The following BDP1 variants were observed in gnomAD, a reference collection of about 807,000 sequenced individuals.
BDP1 encodes the protein BDP1 general transcription factor IIIB subunit.
A neutral mutation model predicts 266.6 loss-of-function variants in BDP1; 169 were observed. That is an observed-to-expected ratio of 0.63 (90% CI 0.56 to 0.72). BDP1 has a LOEUF of 0.72. BDP1 is among the 30% of genes least tolerant of loss of function. The pLI is 0.00. For missense variants in BDP1, 3,015 were observed against 3,053.8 expected, an observed-to-expected ratio of 0.99 and a Z score of 0.30; for synonymous variants, 1,090 against 1,022.4, an observed-to-expected ratio of 1.07 and a Z score of -1.26.
chr5:71,546,128 G>A (rs1742283968), intron 32 of BDP1, among the ~76,000 whole-genome samples: 1 of 152,098 alleles, frequency 6.6e-6, no homozygotes, highest in South Asian at 2.1e-4. Context: ...TTGCTAAGGA[G>A]TTTGGTTACA....
Position 71,497,325 on chromosome 5 carries a change from C to T in BDP1, c.1855C>T (p.Pro619Ser). The T allele has an allele frequency of 6.2e-7, 1 of 1,613,794 alleles. No homozygotes were observed. Among genetic ancestry groups the T allele is most frequent in the Non-Finnish European group, 8.5e-7 (1 of 1,179,894 alleles). Residue 619 changes from proline (P) to serine (S), a missense_variant, in exon 13 of 39, where the codon CCT becomes TCT. Around this residue, in one of 3 missense-constraint regions of BDP1, gnomAD observed 2,383 missense variants for 2,404.9 expected, o/e 0.99. Coordinates refer to ENST00000358731, the MANE Select transcript of BDP1 (RefSeq NM_018429.3). ...KPMLRGRFQRPKPNLSRAGKK... is the reference protein window; with the variant it reads ...KPMLRGRFQRSKPNLSRAGKK... Reference sequence around the variant, plus strand: ...AATGTTGAGAGGTCGCTTCCAAAGACCTAAACCCAATTTGTCAAGGGCTGG... The same window carrying T: ...AATGTTGAGAGGTCGCTTCCAAAGATCTAAACCCAATTTGTCAAGGGCTGG...
In BDP1 at chr5:71,509,585, A is replaced by G. The variant is rs752360854; in HGVS notation, c.2493A>G (p.Glu831=). ...GAAGGAGAGAAATTTCCTCAAAGGA[A>G]GAGGTACTAGAGAAGATTCTTGTCT... is the stretch of plus-strand genomic sequence containing the variant. The part of the protein sequence containing the change: ...GTGRREISSK[E]EVLEKILVSG... The change falls in exon 17 of 39, where the codon GAA becomes GAG. Residue 831 remains glutamate (E), a synonymous_variant. Transcript: ENST00000358731. The G allele has an allele frequency of 6.2e-7, 1 of 1,613,862 alleles. No homozygotes were observed. Among genetic ancestry groups the G allele is most frequent in the South Asian group, 1.1e-5 (1 of 90,986 alleles).
chr5:71,463,771 G>A (rs1049837408), intron 3 of BDP1, among the ~76,000 whole-genome samples: 1 of 151,016 alleles, frequency 6.6e-6, no homozygotes, highest in Non-Finnish European at 1.5e-5. Flanking sequence ...GAGGTTACAT[G>A]GAGCTGAGAT....
At chr5:71,507,097 T>C (rs909463543) in intron 16 of BDP1, among the ~76,000 whole-genome samples, 4 of 152,102 alleles carry the variant, frequency 2.6e-5, no homozygotes, top group African/African-American at 4.8e-5. Context: ...GCTGGGATTA[T>C]AGGTGTGAGC....
the BDP1 span, among the ~76,000 whole-genome samples, chr5:71,577,155 C>G: frequency 9.2e-5 from 14 of 152,294 alleles, no homozygotes; most frequent in South Asian, 2.5e-3. Context: ...GGTTGCATCC[C>G]TGGGCTATGG....
intron 23 of BDP1, 120 bp from the exon 24 acceptor site, chr5:71,522,636 A>T: frequency 8.4e-7 from 1 of 1,190,796 alleles, no homozygotes; most frequent in Non-Finnish European, 1.2e-6. Context: ...GTTGTAAAAG[A>T]TGAGCAACCA....
intron 16 of BDP1, among the ~76,000 whole-genome samples, chr5:71,507,715 C>G (rs1015327344): frequency 6.6e-6 from 1 of 152,168 alleles, no homozygotes; most frequent in African/African-American, 2.4e-5. Context: ...GCGGTCCATT[C>G]AGGACTAATC....
Position 71,511,004 on chromosome 5 carries a change from G to A in BDP1, c.3912G>A (p.Lys1304=). ...AAGAGATCTGTGTTACTGAGGAAAAGGTGGCAGAATTGAAACAAACTGGAA... is the reference window on the plus strand; with the variant it reads ...AAGAGATCTGTGTTACTGAGGAAAAAGTGGCAGAATTGAAACAAACTGGAA... The part of the protein sequence containing the change: ...GSEEICVTEE[K]VAELKQTGKT... Residue 1304 remains lysine, a synonymous_variant, in exon 17 of 39, where the codon AAG becomes AAA. Coordinates refer to ENST00000358731, the MANE Select transcript of BDP1 (RefSeq NM_018429.3). 6.2e-7 allele frequency: 1 copy of A among 1,614,066 alleles called. No individual in the cohort carries two copies. Among genetic ancestry groups the A allele is most frequent in the Non-Finnish European group, 8.5e-7 (1 of 1,180,008 alleles).
At position 71,509,877 on chromosome 5, in the gene BDP1, TTGGAAGAAGC is replaced by T; in HGVS notation, c.2795_2804del (p.Ala932GlufsTer16). The T allele has an allele frequency of 5.0e-6, 8 of 1,611,978 alleles. No homozygotes were observed. The highest frequency in any genetic ancestry group is 6.8e-6 in the Non-Finnish European group (8 of 1,179,320). ...TGCCACTGAGGAAATAGACAAAGATTTGGAAGAAGCTGGAAGAAGAGAAATATCCCCACAG... is the reference window on the plus strand; with the variant it reads ...TGCCACTGAGGAAATAGACAAAGATTTGGAAGAAGAGAAATATCCCCACAG... On this transcript the variant is annotated frameshift_variant, in exon 17 of 39. Transcript: ENST00000358731. LOFTEE classifies it high-confidence loss of function.
At chr5:71,497,189 T>G (rs1763946833) in intron 12 of BDP1, 81 bp from the exon 13 acceptor site, 2 of 1,307,162 alleles carry the variant, frequency 1.5e-6, no homozygotes, top group South Asian at 1.4e-5. Flanking sequence ...GAGTTCTTCC[T>G]AATTCTCAGT....
intron 7 of BDP1, among the ~76,000 whole-genome samples, chr5:71,477,795 T>A (rs1348102219): frequency 6.6e-6 from 1 of 151,728 alleles, no homozygotes; most frequent in East Asian, 1.9e-4. Context: ...ATTTTTCTAT[T>A]TTTTTGTAGA....
intron 16 of BDP1, among the ~76,000 whole-genome samples, chr5:71,506,756 G>GTT (rs1346982665): frequency 1.1e-5 from 1 of 94,880 alleles, no homozygotes; most frequent in Non-Finnish European, 2.0e-5. Context: ...TTGTTTGGAG[G>GTT]TTTATATATA....
chr5:71,457,639 CT>C (rs2150339076), intron 1 of BDP1, among the ~76,000 whole-genome samples: 1 of 151,948 alleles, frequency 6.6e-6, no homozygotes, highest in East Asian at 1.9e-4. Flanking sequence ...TGGGTCTTTG[CT>C]AGTTGTAAAA....
chr5:71,562,349 A>G lies in BDP1; in HGVS notation c.7572A>G (p.Gln2524=). The change falls in exon 38 of 39, where the codon CAA becomes CAG. Residue 2524 remains glutamine, a synonymous_variant. Transcript: ENST00000358731. ...GTTTGGAGTCTGATGAACCTATGCAAGTCCATAGTAAGAAACGCCTAAAAC... is the reference window on the plus strand; with the variant it reads ...GTTTGGAGTCTGATGAACCTATGCAGGTCCATAGTAAGAAACGCCTAAAAC... ...KNSLESDEPM[Q]VHSKKRLKPL... The G allele has an allele frequency of 6.2e-7, 1 of 1,613,438 alleles. No individual in the cohort carries two copies. The highest frequency in any genetic ancestry group is 1.7e-5 in the Admixed American group (1 of 60,004).
chr5:71,513,301 C>T lies in BDP1; in HGVS notation c.4364C>T (p.Thr1455Ile), dbSNP rs1765035486. 1.9e-6 allele frequency: 3 copies of T among 1,610,616 alleles called. No homozygotes were observed. The highest frequency in any genetic ancestry group is 2.5e-6 in the Non-Finnish European group (3 of 1,177,860). The change falls in exon 19 of 39, where the codon ACA becomes ATA. Residue 1455 changes from threonine to isoleucine, a missense_variant. By Grantham distance (89) the Thr-to-Ile change is moderately conservative. Transcript: ENST00000358731. ...LARAALKRET[T>I]ESEKYIYEKK... ...AGAGCAGCTTTGAAGAGAGAGACTACAGAATCAGAAAAATATATATATGAG... is the reference window on the plus strand; with the variant it reads ...AGAGCAGCTTTGAAGAGAGAGACTATAGAATCAGAAAAATATATATATGAG...
chr5:71,525,539 G>A (rs1765781131), intron 25 of BDP1, among the ~76,000 whole-genome samples: 2 of 130,484 alleles, frequency 1.5e-5, no homozygotes, highest in African/African-American at 2.9e-5. Flanking sequence ...CGGGCGGGGG[G>A]CTGACCTCCC....
intron 36 of BDP1, among the ~76,000 whole-genome samples, chr5:71,559,698 CT>C (rs1324320483): frequency 6.6e-6 from 1 of 152,142 alleles, no homozygotes; most frequent in Admixed American, 6.5e-5. Flanking sequence ...AAAGTAATCA[CT>C]CTCCCATTTT....
chr5:71,550,258 C>T (rs552728047), intron 34 of BDP1, among the ~76,000 whole-genome samples: 33 of 152,238 alleles, frequency 2.2e-4, no homozygotes, highest in African/African-American at 5.8e-4. Context: ...TGGTGGCCTG[C>T]GCCTGTAATC....
chr5:71,488,588 C>G (rs977519272), intron 9 of BDP1, among the ~76,000 whole-genome samples: 1 of 151,856 alleles, frequency 6.6e-6, no homozygotes, highest in Admixed American at 6.6e-5. Context: ...ACCACCACAC[C>G]CAGCTAATTT....
Sources: gnomAD v4.1 joint callset for allele counts (sites outside exome capture counted in the v4.1 genomes callset) on GRCh38, gnomAD v4.1.1 for gene constraint, gnomAD v4.1.1 regional missense constraint, MANE v1.5 for transcripts, NCBI Gene and HGNC (gene_info 2026-07-23, HGNC 2026-07-21) for gene names.